Variants in FHOD1 observed in about 807,000 individuals in gnomAD.
FHOD1 encodes the protein formin homology 2 domain containing 1.
In FHOD1, 89 loss-of-function variants were observed where a neutral mutation model predicts 111.6. That is an observed-to-expected ratio of 0.80 (90% confidence interval 0.67 to 0.95). The LOEUF is 0.95. Ranked by LOEUF, FHOD1 falls within the 40% of genes least tolerant of loss-of-function variation. FHOD1 has a pLI of 0.00. For synonymous variants in FHOD1, 618 were observed against 639.0 expected, an observed-to-expected ratio of 0.97 and a Z score of 0.50; for missense variants, 1,446 against 1,554.2, an observed-to-expected ratio of 0.93 and a Z score of 1.17.
In FHOD1 at chr16:67,233,964, G is replaced by T. The variant is rs768237571; in HGVS notation, c.1739C>A (p.Ser580Ter). The change falls in exon 13 of 22, where the codon TCG becomes TAG. Residue 580 changes from serine to a stop codon, truncating the protein, a stop_gained. Transcript: ENST00000258201. LOFTEE classifies it high-confidence loss of function. ...PAPSPPLPLL[S>*]GVPPPPPLPP... The stretch of plus-strand genomic sequence containing the variant: ...AAGTGGGGGAGGGGGGGGTACTCCC[G>T]AGAGCAGGGGCAGTGGGGGTGAGGG... 4.4e-6 allele frequency: 7 copies of T among 1,606,952 alleles called. No individual in the cohort carries two copies. The highest frequency in any genetic ancestry group is 5.9e-6 in the Non-Finnish European group (7 of 1,178,232).
rs1243623444 is a variant in FHOD1 at position 67,231,640 on chromosome 16, C to G, written c.2382G>C (p.Glu794Asp). ...TCCCACTCCAAGACCCAGGTACCCG[C>G]TCCATGCTGTCATAGTCCAGCTTGA... ...WAFKLDYDSM[E>D]REIAEPLFDL... is the part of the protein sequence containing the mutation. Residue 794 changes from glutamate to aspartate, a missense_variant, in exon 15 of 22, where the codon GAG becomes GAC. Coordinates refer to ENST00000258201, the MANE Select transcript of FHOD1 (RefSeq NM_013241.3). The surrounding 1 kb of genome is among the most constrained non-coding windows in gnomAD (Gnocchi z 4.3). 1 of 1,614,172 alleles carries G rather than the reference C, an allele frequency of 6.2e-7. No homozygotes were observed. The highest frequency in any genetic ancestry group is 1.7e-5 in the Admixed American group (1 of 60,016).
Position 67,231,390 on chromosome 16 carries a change from G to A in FHOD1, c.2505+40C>T, listed in dbSNP as rs779006370. 5 of 1,613,940 alleles carry A rather than the reference G, an allele frequency of 3.1e-6. No homozygotes were observed. The Middle Eastern group carries it at 4.9e-4, about 160-fold the overall frequency. On this transcript the variant is annotated intron_variant, in intron 16 of 21. Transcript: ENST00000258201. The surrounding 1 kb of genome is among the most constrained non-coding windows in gnomAD (Gnocchi z 4.3). ...CTGAGCCTGGGCCTGGTTGGCTCCA[G>A]AACCCTGACTCCCCCTAGTCCCCAT...
Position 67,230,450 on chromosome 16 carries a change from C to T in FHOD1, c.2915G>A (p.Arg972His), listed in dbSNP as rs138705012. Residue 972 changes from arginine (R) to histidine (H), a missense_variant, in exon 19 of 22, where the codon CGC (arginine) becomes CAC (histidine). Around this residue, in one of 3 missense-constraint regions of FHOD1, gnomAD observed 1,085 missense variants for 1,108.8 expected, o/e 0.98. Coordinates refer to ENST00000258201, the MANE Select transcript of FHOD1 (RefSeq NM_013241.3). ...CAGCGTGTGGCAGAACTGCATGATG[C>T]GCACTTCACGGGCCGCCTGCGGGGT... Reference protein sequence around the residue: ...GYTPQAAREVRIMQFCHTLRE... With the variant: ...GYTPQAAREVHIMQFCHTLRE... The T allele has an allele frequency of 7.4e-5, 120 of 1,614,132 alleles. No individual in the cohort carries two copies. Among genetic ancestry groups the T allele is most frequent in the Non-Finnish European group, 9.3e-5 (110 of 1,180,050 alleles).
rs1244656612 is a variant in FHOD1, at chr16:67,237,308, C to A, written c.924G>T (p.Ala308=). ...TDALEQQGME[A]LVQRHLGTAG... is the part of the protein sequence containing the mutation. Reference sequence around the variant, plus strand: ...CAGTGCCCAGGTGGCGCTGGACCAGCGCTTCCATGCCCTGCTGCTCCAGTG... The same window carrying A: ...CAGTGCCCAGGTGGCGCTGGACCAGAGCTTCCATGCCCTGCTGCTCCAGTG... The change falls in exon 9 of 22, where the codon GCG becomes GCT. Residue 308 remains alanine (A), a synonymous_variant. Coordinates refer to ENST00000258201, the MANE Select transcript of FHOD1 (RefSeq NM_013241.3). This position sits in a 1 kb window ranked among gnomAD's most constrained non-coding sequence, Gnocchi z 5.6. The A allele has an allele frequency of 5.6e-6, 9 of 1,613,880 alleles. No homozygotes were observed. The African/African-American group carries it at 1.2e-4, about 22-fold the overall frequency.
Position 67,234,484 on chromosome 16 carries a change from T to C in FHOD1, c.1320-12A>G. On this transcript the variant is annotated splice_polypyrimidine_tract_variant and intron_variant, in intron 11 of 21. Transcript: ENST00000258201. ...CCAGGAACCGGGCTCTGAGGGAAGG[T>C]GCTTGTCACTGACAGCGTCTGACAC... is the stretch of plus-strand genomic sequence containing the variant. 1 of 1,565,178 alleles carries C rather than the reference T, an allele frequency of 6.4e-7. No individual in the cohort carries two copies. Among genetic ancestry groups the C allele is most frequent in the Non-Finnish European group, 8.6e-7 (1 of 1,158,034 alleles).
intron 1 of FHOD1, among the ~76,000 whole-genome samples, chr16:67,245,440 C>T (rs1339103627): frequency 6.6e-6 from 1 of 152,114 alleles, no homozygotes; most frequent in Non-Finnish European, 1.5e-5. Context: ...GGCTTGCCCC[C>T]AGCTGGGAAG....
chr16:67,236,346 CAAAG>C (rs1343996366), intron 11 of FHOD1: 6 of 1,418,170 alleles, frequency 4.2e-6, no homozygotes, highest in Admixed American at 5.8e-5. Context: ...TCGGAGGAGA[CAAAG>C]GAAACCACAG....
At chr16:67,233,562 G>C (rs2034356496) in intron 13 of FHOD1, 95 bp downstream of exon 13, 1 of 1,454,526 alleles carries the variant, frequency 6.9e-7, no homozygotes, top group Non-Finnish European at 9.1e-7. Context: ...GTTTCCCCAT[G>C]TGGGAAGTGA....
In FHOD1 at chr16:67,231,675, G is replaced by C. The variant is rs372427394; in HGVS notation, c.2347C>G (p.Leu783Val). The C allele has an allele frequency of 1.8e-4, 283 of 1,614,196 alleles. No homozygotes were observed. Among genetic ancestry groups the C allele is most frequent in the Non-Finnish European group, 2.3e-4 (277 of 1,180,040 alleles). The change falls in exon 15 of 22, where the codon CTC becomes GTC. Residue 783 changes from leucine to valine, a missense_variant. Physicochemically the swap from Leu to Val is conservative, Grantham distance 32 (BLOSUM62 1). Transcript: ENST00000258201. This position sits in a 1 kb window ranked among gnomAD's most constrained non-coding sequence, Gnocchi z 4.3. ...TCATAGTCCAGCTTGAAGGCCCAGA[G>C]TTGTAGACGAGCAGCGAGGCCGCCA... ...SIGGLAARLQ[L>V]WAFKLDYDSM...
Position 67,237,986 on chromosome 16 carries a change from A to G in FHOD1, c.642+48T>C. The G allele has an allele frequency of 1.3e-6, 2 of 1,584,818 alleles. No individual in the cohort carries two copies. The highest frequency in any genetic ancestry group is 2.2e-5 in the South Asian group (2 of 90,270). ...TGCAGAACAGGAAACTGAGGCCCAGAGAGAAGCAACAGGCAAAGGGTATAA... is the reference window on the plus strand; with the variant it reads ...TGCAGAACAGGAAACTGAGGCCCAGGGAGAAGCAACAGGCAAAGGGTATAA... On this transcript the variant is annotated intron_variant, in intron 6 of 21. Transcript: ENST00000258201. The surrounding 1 kb of genome is among the most constrained non-coding windows in gnomAD (Gnocchi z 5.6).
In FHOD1 at chr16:67,233,857, C is replaced by T; in HGVS notation, c.1846G>A (p.Asp616Asn). ...CTCTTAGTGGGGAGGGCTGAGCTGTCAGGCACTGAATGGGGAAGAGGGGCA... is the reference window on the plus strand; with the variant it reads ...CTCTTAGTGGGGAGGGCTGAGCTGTTAGGCACTGAATGGGGAAGAGGGGCA... Reference protein sequence around the residue: ...LAAPLPHSVPDSSALPTKRKT... With the variant: ...LAAPLPHSVPNSSALPTKRKT... Residue 616 changes from aspartate to asparagine, a missense_variant, in exon 13 of 22, where the codon GAC (aspartate) becomes AAC (asparagine). Asp to Asn is a conservative substitution (Grantham distance 23). Transcript: ENST00000258201. The T allele has an allele frequency of 6.2e-7, 1 of 1,607,518 alleles. No homozygotes were observed. Among genetic ancestry groups the T allele is most frequent in the Non-Finnish European group, 8.5e-7 (1 of 1,177,576 alleles).
chr16:67,231,660 G>C lies in FHOD1; in HGVS notation c.2362C>G (p.Leu788Val). 2 of 1,614,202 alleles carry C rather than the reference G, an allele frequency of 1.2e-6. No homozygotes were observed. The highest frequency in any genetic ancestry group is 1.7e-6 in the Non-Finnish European group (2 of 1,180,040). The change falls in exon 15 of 22, where the codon CTG becomes GTG. Residue 788 changes from leucine to valine, a missense_variant. Leu to Val is a conservative substitution (Grantham distance 32, BLOSUM62 1). Coordinates refer to ENST00000258201, the MANE Select transcript of FHOD1 (RefSeq NM_013241.3). The surrounding 1 kb of genome is among the most constrained non-coding windows in gnomAD (Gnocchi z 4.3). ...ACCCGCTCCATGCTGTCATAGTCCAGCTTGAAGGCCCAGAGTTGTAGACGA... is the reference window on the plus strand; with the variant it reads ...ACCCGCTCCATGCTGTCATAGTCCACCTTGAAGGCCCAGAGTTGTAGACGA... Reference protein sequence around the residue: ...AARLQLWAFKLDYDSMEREIA... With the variant: ...AARLQLWAFKVDYDSMEREIA...
chr16:67,240,121 T>G (rs889498013), intron 1 of FHOD1, among the ~76,000 whole-genome samples: 3 of 152,138 alleles, frequency 2.0e-5, no homozygotes, highest in African/African-American at 7.2e-5. Context: ...CAGGGTCTGA[T>G]CCATAGACTT....
At chr16:67,247,090 C>G (rs1407666893) in intron 1 of FHOD1, 120 bp downstream of exon 1, 1 of 1,226,726 alleles carries the variant, frequency 8.2e-7, no homozygotes, top group East Asian at 2.7e-5. Flanking sequence ...GACCCCAGCC[C>G]AAGACTTTTC....
chr16:67,231,528 C>A lies in FHOD1; in HGVS notation c.2407G>T (p.Asp803Tyr), dbSNP rs376122137. Residue 803 changes from aspartate to tyrosine, a missense_variant, in exon 16 of 22, where the codon GAC becomes TAC. Asp to Tyr is a radical substitution (Grantham distance 160). Transcript: ENST00000258201. The surrounding 1 kb of genome is among the most constrained non-coding windows in gnomAD (Gnocchi z 4.3). ...AGCTGTTCCATACCCACTTTCAGGT[C>A]AAACAGTGGCTCAGCAATTTCCTGG... ...MEREIAEPLF[D>Y]LKVGMEQLVQ... The A allele has an allele frequency of 1.2e-6, 2 of 1,614,150 alleles. No homozygotes were observed. The highest frequency in any genetic ancestry group is 1.7e-6 in the Non-Finnish European group (2 of 1,180,034).
In FHOD1 at chr16:67,233,773, C is replaced by T. The variant is rs750899390; in HGVS notation, c.1930G>A (p.Ala644Thr). Residue 644 changes from alanine (A) to threonine (T), a missense_variant, in exon 13 of 22, where the codon GCA (alanine) becomes ACA (threonine). By Grantham distance (58) the Ala-to-Thr change is moderately conservative (BLOSUM62 0). Coordinates refer to ENST00000258201, the MANE Select transcript of FHOD1 (RefSeq NM_013241.3). ...LKLAGGHGVS[A>T]SRFGPCATLW... Reference sequence around the variant, plus strand: ...GTGGCGCAGGGCCCAAAGCGGCTTGCAGAGACTCCATGGCCCCCAGCCAGC... The same window carrying T: ...GTGGCGCAGGGCCCAAAGCGGCTTGTAGAGACTCCATGGCCCCCAGCCAGC... 2.5e-6 allele frequency: 4 copies of T among 1,613,880 alleles called. No individual in the cohort carries two copies. The highest frequency in any genetic ancestry group is 1.1e-5 in the South Asian group (1 of 91,070).
At position 67,230,188 on chromosome 16, in the gene FHOD1, T is replaced by G. The variant is rs1339110864; in HGVS notation, c.3092A>C (p.Asn1031Thr). 1.9e-6 allele frequency: 3 copies of G among 1,613,716 alleles called. No individual in the cohort carries two copies. Among genetic ancestry groups the G allele is most frequent in the Non-Finnish European group, 2.5e-6 (3 of 1,179,816 alleles). ...FSGVAGEAPSNPSVPVAVSSG... is the reference protein window; with the variant it reads ...FSGVAGEAPSTPSVPVAVSSG... ...GCTCACTGCTACTGGGACAGAGGGG[T>G]TGCTGGGGGCTTCCCCAGCCACACC... is the stretch of plus-strand genomic sequence containing the variant. The change falls in exon 20 of 22, where the codon AAC becomes ACC. Residue 1031 changes from asparagine (N) to threonine (T), a missense_variant. Transcript: ENST00000258201.
chr16:67,235,280 A>C (rs545442303), intron 11 of FHOD1, among the ~76,000 whole-genome samples: 1 of 152,316 alleles, frequency 6.6e-6, no homozygotes, highest in South Asian at 2.1e-4. Flanking sequence ...TTGTAATCCC[A>C]GCACTTTGGG....
chr16:67,236,972 TC>T lies in FHOD1; in HGVS notation c.1135del (p.Glu379AsnfsTer11). ...EGGGCPARAP[E>X]PGPTGPASPV... ...TACAGATGCTCGTACTTACCCAGGT[TC>T]CGGGGCACGCGCGGGGCAGCCCCCG... On this transcript the variant is annotated frameshift_variant, in exon 10 of 22. Transcript: ENST00000258201. LOFTEE classifies it high-confidence loss of function. The T allele has an allele frequency of 6.3e-7, 1 of 1,587,828 alleles. No homozygotes were observed. The highest frequency in any genetic ancestry group is 8.6e-7 in the Non-Finnish European group (1 of 1,168,404).
Sources: gnomAD v4.1 joint callset for allele counts (sites outside exome capture counted in the v4.1 genomes callset) on GRCh38, gnomAD v4.1.1 for gene constraint, gnomAD v4.1.1 regional missense constraint, Gnocchi (gnomAD v3.1) non-coding constraint, MANE v1.5 for transcripts, NCBI Gene and HGNC (gene_info 2026-07-23, HGNC 2026-07-21) for gene names.